OCM: variants seen among roughly 807,000 people sequenced by gnomAD.
OCM encodes oncomodulin, also known as oncomodulin-1.
In OCM, 18 loss-of-function variants were observed where a neutral mutation model predicts 14.1. That is an observed-to-expected ratio of 1.28 (90% confidence interval 0.88 to 1.89). The LOEUF is 1.89. Among genes scored for constraint, OCM ranks in the 40% most tolerant of loss-of-function variants. The pLI is 0.00. For missense variants in OCM, 140 were observed against 137.6 expected, an observed-to-expected ratio of 1.02 and a Z score of -0.09; for synonymous variants, 48 against 51.0, an observed-to-expected ratio of 0.94 and a Z score of 0.25.
the OCM span, among the ~76,000 whole-genome samples, chr7:5,865,483 A>C: frequency 6.6e-6 from 1 of 152,222 alleles, no homozygotes; most frequent in Non-Finnish European, 1.5e-5. Flanking sequence ...ACCGCTTCTG[A>C]ACTGGAAGCC....
At chr7:5,882,427 G>A (rs1247106961) in intron 1 of OCM, 66 bp from the exon 2 acceptor site, 2 of 1,557,396 alleles carry the variant, frequency 1.3e-6, no homozygotes, top group East Asian at 4.5e-5. Flanking sequence ...TGTGTTTTTA[G>A]TACCTTGGCC....
the OCM span, among the ~76,000 whole-genome samples, chr7:5,862,743 C>T: frequency 6.6e-6 from 1 of 151,742 alleles, no homozygotes; most frequent in East Asian, 1.9e-4. Flanking sequence ...AGACTCTACT[C>T]CTTTTCAAGT....
chr7:5,866,555 G>A, the OCM span, among the ~76,000 whole-genome samples: 1 of 152,128 alleles, frequency 6.6e-6, no homozygotes, highest in Admixed American at 6.6e-5. Flanking sequence ...GGATGGGAGG[G>A]ATTGGAGTGA....
the OCM span, among the ~76,000 whole-genome samples, chr7:5,865,476 G>A: frequency 3.9e-5 from 6 of 152,142 alleles, no homozygotes; most frequent in Non-Finnish European, 5.9e-5. Flanking sequence ...GCAGCAAACC[G>A]CTTCTGAACT....
At chr7:5,884,714 T>TAG (rs1554279888) in intron 3 of OCM, among the ~76,000 whole-genome samples, 7 of 147,168 alleles carry the variant, frequency 4.8e-5, no homozygotes, top group Non-Finnish European at 9.0e-5. Context: ...AGATGCTTAT[T>TAG]AAAAAAAAAA....
the OCM span, among the ~76,000 whole-genome samples, chr7:5,861,318 G>A: frequency 1.3e-5 from 2 of 152,036 alleles, no homozygotes; most frequent in African/African-American, 4.8e-5. Flanking sequence ...CTACTTGGGA[G>A]GCTGAGGCAA....
chr7:5,872,857 C>G, the OCM span, among the ~76,000 whole-genome samples: 9,751 of 151,826 alleles, frequency 0.064, 521 homozygotes, highest in East Asian at 0.25. Context: ...CGAGAAACAC[C>G]CAAGAATGAT....
chr7:5,869,142 A>G, the OCM span, among the ~76,000 whole-genome samples: 1 of 152,198 alleles, frequency 6.6e-6, no homozygotes, highest in African/African-American at 2.4e-5. Context: ...TACCATTGGT[A>G]TTCTGAATAC....
At chr7:5,864,091 G>A in the OCM span, among the ~76,000 whole-genome samples, 1 of 152,080 alleles carries the variant, frequency 6.6e-6, no homozygotes, top group African/African-American at 2.4e-5. Flanking sequence ...TGAAATCCCG[G>A]CACTTTAGGA....
At chr7:5,881,145 C>T (rs1472182609) in intron 1 of OCM, among the ~76,000 whole-genome samples, 195 bp downstream of exon 1, 7 of 151,752 alleles carry the variant, frequency 4.6e-5, no homozygotes, top group South Asian at 2.1e-4. Flanking sequence ...GGTGAAACCC[C>T]ATCTCTACTA....
the OCM span, among the ~76,000 whole-genome samples, chr7:5,861,805 C>G: frequency 6.6e-6 from 1 of 152,042 alleles, no homozygotes; most frequent in East Asian, 1.9e-4. Flanking sequence ...TCTCAAACCC[C>G]TGGGCTCAAG....
chr7:5,872,212 T>C, the OCM span, among the ~76,000 whole-genome samples: 51 of 152,330 alleles, frequency 3.3e-4, no homozygotes, highest in African/African-American at 1.1e-3. Context: ...TCAGCTCTTA[T>C]AGACGGGGTC....
intron 3 of OCM, among the ~76,000 whole-genome samples, chr7:5,884,753 C>T (rs925578633): frequency 1.5e-4 from 23 of 151,484 alleles, no homozygotes; most frequent in Non-Finnish European, 2.5e-4. Flanking sequence ...ACCACTATCG[C>T]TTACTACATG....
At chr7:5,882,082 T>G (rs1327546855) in intron 1 of OCM, among the ~76,000 whole-genome samples, 3 of 53,488 alleles carry the variant, frequency 5.6e-5, no homozygotes, top group Admixed American at 3.3e-4. Flanking sequence ...TGAGACTCTG[T>G]CTCAAAAAAA....
the OCM span, among the ~76,000 whole-genome samples, chr7:5,873,140 C>T: frequency 5.9e-5 from 9 of 152,110 alleles, no homozygotes; most frequent in South Asian, 1.7e-3. Context: ...TTTGGGAGGC[C>T]GAGGCAGGTG....
chr7:5,874,785 C>T, the OCM span, among the ~76,000 whole-genome samples: 2 of 151,990 alleles, frequency 1.3e-5, no homozygotes, highest in Non-Finnish European at 2.9e-5. Flanking sequence ...GGATTGCAGA[C>T]GTGCACCGCC....
chr7:5,879,146 A>T (rs561122606), upstream of OCM, among the ~76,000 whole-genome samples: 12 of 152,164 alleles, frequency 7.9e-5, no homozygotes, highest in Non-Finnish European at 1.5e-4. Context: ...GGCTGCAATG[A>T]GCTGAGATCG....
the OCM span, chr7:5,871,739 T>C: frequency 6.6e-6 from 1 of 151,948 alleles, no homozygotes; most frequent in Admixed American, 6.6e-5. Flanking sequence ...CCTTTTTTCT[T>C]TCTTTTTTTT....
chr7:5,882,511 C>G lies in OCM; in HGVS notation c.80C>G (p.Pro27Arg). 1 of 1,614,074 alleles carries G rather than the reference C, an allele frequency of 6.2e-7. No individual in the cohort carries two copies. The highest frequency in any genetic ancestry group is 8.5e-7 in the Non-Finnish European group (1 of 1,179,996). ...TCTTCAGACCCAGACACTTTTGAAC[C>G]CCAAAAATTCTTCCAGACATCAGGC... Reference protein sequence around the residue: ...QECRDPDTFEPQKFFQTSGLS... With the variant: ...QECRDPDTFERQKFFQTSGLS... The change falls in exon 2 of 4, where the codon CCC becomes CGC. Residue 27 changes from proline (P) to arginine (R), a missense_variant. Physicochemically the swap from Pro to Arg is moderately radical, Grantham distance 103 (BLOSUM62 -2). Coordinates refer to ENST00000242104, the MANE Select transcript of OCM (RefSeq NM_001097622.2).
Sources: gnomAD v4.1 joint callset for allele counts (sites outside exome capture counted in the v4.1 genomes callset) on GRCh38, gnomAD v4.1.1 for gene constraint, MANE v1.5 for transcripts, NCBI Gene and HGNC (gene_info 2026-07-23, HGNC 2026-07-21) for gene names.